FGF14: variants seen among roughly 807,000 people sequenced by gnomAD.
FGF14 encodes the protein fibroblast growth factor homologous factor 4.
FGF14 carries 5 observed loss-of-function variants against 25.5 expected under a neutral mutation model. The ratio of observed to expected loss-of-function variants is 0.20; its 90% CI spans 0.10 to 0.41. The LOEUF (loss-of-function observed/expected upper bound fraction) is 0.41. Ranked by LOEUF, FGF14 falls within the 10% of genes least tolerant of loss-of-function variation. The pLI, the probability that FGF14 is intolerant of heterozygous loss-of-function variation, is 1.00. For synonymous variants in FGF14, 138 were observed against 118.3 expected, an observed-to-expected ratio of 1.17 and a Z score of -1.08; for missense variants, 222 against 320.1, an observed-to-expected ratio of 0.69 and a Z score of 2.34.
chr13:101,965,432 G>A (rs1202203086), intron 1 of FGF14, among the ~76,000 whole-genome samples: 1 of 151,936 alleles, frequency 6.6e-6, no homozygotes, highest in Non-Finnish European at 1.5e-5. Context: ...AAATTTAAAT[G>A]TTGTCAAATT....
chr13:102,271,259 A>G (rs543276450), intron 1 of FGF14, among the ~76,000 whole-genome samples: 4 of 152,230 alleles, frequency 2.6e-5, no homozygotes, highest in Admixed American at 2.0e-4. Context: ...CAATTTTTAT[A>G]TCTCATATTG....
intron 3 of FGF14, among the ~76,000 whole-genome samples, chr13:101,805,224 T>C (rs2041128649): frequency 6.6e-6 from 1 of 152,100 alleles, no homozygotes; most frequent in Non-Finnish European, 1.5e-5. Context: ...AACAGCTCTC[T>C]TAGTGGTTGC....
chr13:102,306,824 T>C (rs933810531), intron 1 of FGF14, among the ~76,000 whole-genome samples: 4 of 152,136 alleles, frequency 2.6e-5, no homozygotes, highest in Admixed American at 6.6e-5. Flanking sequence ...CAGAGTCATA[T>C]ATTTTCACAT....
chr13:101,817,995 G>C (rs1566937447), intron 3 of FGF14, among the ~76,000 whole-genome samples: 1 of 152,170 alleles, frequency 6.6e-6, no homozygotes, highest in Non-Finnish European at 1.5e-5. Context: ...CACTCTCTCA[G>C]TTATTCAGTC....
chr13:102,302,050 T>TA (rs1032955266), intron 1 of FGF14, among the ~76,000 whole-genome samples: 2 of 152,146 alleles, frequency 1.3e-5, no homozygotes, highest in African/African-American at 4.8e-5. Flanking sequence ...CTCCTCCACC[T>TA]GTATCCCAGA....
At chr13:101,953,951 C>CT (rs762955032) in intron 1 of FGF14, among the ~76,000 whole-genome samples, 5 of 152,130 alleles carry the variant, frequency 3.3e-5, no homozygotes, top group Non-Finnish European at 7.4e-5. Context: ...CCATCACCCT[C>CT]TGTCTATGTC....
At chr13:101,821,642 A>G (rs893996936) in intron 3 of FGF14, among the ~76,000 whole-genome samples, 4 of 152,216 alleles carry the variant, frequency 2.6e-5, no homozygotes, top group African/African-American at 9.6e-5. Context: ...GGTTATAGCA[A>G]CTGACATGCC....
chr13:102,015,519 C>A (rs532947297), intron 1 of FGF14, among the ~76,000 whole-genome samples: 2 of 152,222 alleles, frequency 1.3e-5, no homozygotes, highest in South Asian at 4.1e-4. Context: ...CAAAGAAAGA[C>A]TGTAAAGTAA....
intron 1 of FGF14, among the ~76,000 whole-genome samples, chr13:101,974,032 T>C (rs184419394): frequency 1.9e-4 from 29 of 152,336 alleles, no homozygotes; most frequent in African/African-American, 6.7e-4. Context: ...CTTTGAATGA[T>C]GTATCATTGA....
intron 1 of FGF14, among the ~76,000 whole-genome samples, chr13:102,022,922 A>ACCTTGTGTGAAG (rs2040735311): frequency 6.6e-6 from 1 of 152,022 alleles, no homozygotes; most frequent in African/African-American, 2.4e-5. Context: ...GAGAGGAAGC[A>ACCTTGTGTGAAG]CCTTGTGTGA....
intron 1 of FGF14, among the ~76,000 whole-genome samples, chr13:102,344,829 G>A (rs1360732640): frequency 6.6e-6 from 1 of 152,218 alleles, no homozygotes; most frequent in East Asian, 1.9e-4. Context: ...TTATATAGAT[G>A]AATCTACGTG....
chr13:101,834,707 A>G (rs1016043261), intron 3 of FGF14, among the ~76,000 whole-genome samples: 1 of 152,112 alleles, frequency 6.6e-6, no homozygotes, highest in African/African-American at 2.4e-5. Flanking sequence ...AGGTTGGGAA[A>G]CAGATTGGTG....
At chr13:102,122,116 A>G (rs902485017) in intron 1 of FGF14, among the ~76,000 whole-genome samples, 9 of 152,202 alleles carry the variant, frequency 5.9e-5, no homozygotes, top group Non-Finnish European at 1.2e-4. Flanking sequence ...ATTAAAAGCA[A>G]CAGATTAAAA....
At chr13:102,155,521 A>T (rs2047290082) in intron 1 of FGF14, among the ~76,000 whole-genome samples, 1 of 152,244 alleles carries the variant, frequency 6.6e-6, no homozygotes, top group African/African-American at 2.4e-5. Flanking sequence ...GAGTGTGTAG[A>T]GGGAAATTTA....
At position 101,713,996 on chromosome 13, in the gene FGF14, A is replaced by G. The variant is rs549408546; in HGVS notation, c.*8835T>C. The G allele has an allele frequency of 6.4e-6, 1 of 155,646 alleles. No homozygotes were observed. Among genetic ancestry groups the G allele is most frequent in the East Asian group, 1.9e-4 (1 of 5,272 alleles). 9.6% of individuals were successfully genotyped at this position (155,646 alleles called of 1,614,324 possible). Reference sequence around the variant, plus strand: ...ATGTAAACGAAAATCCAAAATTATAAGCACAATAATTTAGTAGTTGTTTTA... The same window carrying G: ...ATGTAAACGAAAATCCAAAATTATAGGCACAATAATTTAGTAGTTGTTTTA... On this transcript the variant is annotated 3_prime_UTR_variant, in exon 5 of 5. Transcript: ENST00000376143.
At chr13:101,919,497 C>T (rs554329782), upstream of FGF14, among the ~76,000 whole-genome samples, 2 of 151,802 alleles carry the variant, frequency 1.3e-5, no homozygotes, top group Non-Finnish European at 2.9e-5. Flanking sequence ...TCTATTTTTG[C>T]AGGCATTTTC....
In FGF14 at chr13:101,956,182, C is replaced by A. The variant is rs577349608; in HGVS notation, c.209-80886G>T. Reference sequence around the variant, plus strand: ...GCATGCTGCATGAAAAATCTCTACCCAAGTAAAGAAAATGGCCCATTGGTT... The same window carrying A: ...GCATGCTGCATGAAAAATCTCTACCAAAGTAAAGAAAATGGCCCATTGGTT... On this transcript the variant is annotated intron_variant, in intron 1 of 4. Coordinates refer to the FGF14 transcript ENST00000376131. Among the ~76,000 whole-genome samples the A allele has an allele frequency of 3.9e-4, 59 of 152,224 alleles. 1 individual carries two copies. Among genetic ancestry groups the A allele is most frequent in the Non-Finnish European group, 7.9e-4 (54 of 68,012 alleles).
In FGF14 at chr13:101,718,631, T is replaced by A. The variant is rs1401313202; in HGVS notation, c.*4200A>T. Reference sequence around the variant, plus strand: ...AAAAGTCAACTAAAGTGCTAAGTCATAAGAGGAGAGCCATTATACCCGTTG... The same window carrying A: ...AAAAGTCAACTAAAGTGCTAAGTCAAAAGAGGAGAGCCATTATACCCGTTG... On this transcript the variant is annotated 3_prime_UTR_variant, in exon 5 of 5. Transcript: ENST00000376143. The A allele has an allele frequency of 1.3e-5, 2 of 152,054 alleles. No individual in the cohort carries two copies. The highest frequency in any genetic ancestry group is 6.6e-5 in the Admixed American group (1 of 15,254). The allele number at this position is 152,054 out of a possible 1,614,324, so 9.4% of individuals were successfully genotyped here.
chr13:102,091,770 T>G (rs542234408), intron 1 of FGF14, among the ~76,000 whole-genome samples: 1 of 152,288 alleles, frequency 6.6e-6, no homozygotes, highest in African/African-American at 2.4e-5. Flanking sequence ...CTGAAGTTGC[T>G]ACTTCCACAA....
Sources: allele counts gnomAD v4.1 joint callset (sites outside exome capture counted in the v4.1 genomes callset), GRCh38; gene constraint gnomAD v4.1.1; transcripts MANE v1.5; gene names NCBI Gene and HGNC (gene_info 2026-07-23, HGNC 2026-07-21).